Variants in SEMA5A observed in about 807,000 individuals in gnomAD.
SEMA5A encodes semaphorin-5A.
SEMA5A carries 55 observed loss-of-function variants against 135.5 expected under a neutral mutation model. The ratio of observed to expected loss-of-function variants is 0.41; its 90% confidence interval spans 0.33 to 0.51. SEMA5A has a LOEUF of 0.51. Ranked by LOEUF, SEMA5A falls within the 20% of genes least tolerant of loss-of-function variation. The pLI, the probability that SEMA5A is intolerant of heterozygous loss-of-function variation, is 0.37. For missense variants in SEMA5A, 1,290 were observed against 1,419.9 expected (o/e 0.91, Z 1.47); for synonymous variants, 580 against 546.5 (o/e 1.06, Z -0.85).
At chr5:9,284,074 TGATA>T (rs1006465069) in intron 5 of SEMA5A, among the ~76,000 whole-genome samples, 5 of 150,106 alleles carry the variant, frequency 3.3e-5, no homozygotes, top group Admixed American at 6.7e-5. Context: ...AGATGATAGA[TGATA>T]GATAACAGGT....
chr5:9,051,604 A>AT (rs996714529), intron 20 of SEMA5A, among the ~76,000 whole-genome samples: 5 of 152,198 alleles, frequency 3.3e-5, no homozygotes, highest in African/African-American at 7.2e-5. Context: ...AAATATTTTC[A>AT]TTTTTTTGAG....
intron 5 of SEMA5A, among the ~76,000 whole-genome samples, chr5:9,311,715 C>T (rs958514382): frequency 1.3e-5 from 2 of 151,570 alleles, no homozygotes; most frequent in Non-Finnish European, 2.9e-5. Context: ...GCACATTGTG[C>T]CCATGTACCC....
At chr5:9,423,472 G>A (rs574469159) in intron 2 of SEMA5A, among the ~76,000 whole-genome samples, 6 of 152,258 alleles carry the variant, frequency 3.9e-5, no homozygotes, top group South Asian at 2.1e-4. Context: ...ACAACCCACC[G>A]CTTCTCAACA....
chr5:9,249,114 G>A (rs1748638100), intron 5 of SEMA5A, among the ~76,000 whole-genome samples: 1 of 152,208 alleles, frequency 6.6e-6, no homozygotes, highest in Non-Finnish European at 1.5e-5. Context: ...ATTGGAACAT[G>A]TCATCCCAAA....
At chr5:9,536,250 G>A (rs926496951) in intron 1 of SEMA5A, among the ~76,000 whole-genome samples, 1 of 152,006 alleles carries the variant, frequency 6.6e-6, no homozygotes, top group Non-Finnish European at 1.5e-5. Flanking sequence ...ATAAGGAGGG[G>A]GAAAAGGAAA....
At chr5:9,047,026 A>G (rs893700494) in intron 21 of SEMA5A, among the ~76,000 whole-genome samples, 4 of 151,934 alleles carry the variant, frequency 2.6e-5, no homozygotes, top group African/African-American at 9.7e-5. Context: ...AGAACTGCCA[A>G]CCTGGGACAG....
intron 9 of SEMA5A, among the ~76,000 whole-genome samples, chr5:9,200,912 A>G (rs1382314206): frequency 6.6e-6 from 1 of 152,208 alleles, no homozygotes; most frequent in Non-Finnish European, 1.5e-5. Context: ...TTCACCCAGG[A>G]AAAAGAGGTT....
At chr5:9,408,919 A>G (rs1757002222) in intron 2 of SEMA5A, among the ~76,000 whole-genome samples, 1 of 152,170 alleles carries the variant, frequency 6.6e-6, no homozygotes, top group Admixed American at 6.5e-5. Context: ...CCTCAAGCCC[A>G]GCCTCCCTCT....
At chr5:9,361,463 G>C in intron 3 of SEMA5A, among the ~76,000 whole-genome samples, 1 of 152,122 alleles carries the variant, frequency 6.6e-6, no homozygotes, top group Non-Finnish European at 1.5e-5. Flanking sequence ...TTTTCTGTGA[G>C]GTAGGACTGA....
In SEMA5A at chr5:9,363,311, C is replaced by T. The variant is rs1246955343; in HGVS notation, c.124+16512G>A. On this transcript the variant is annotated intron_variant, in intron 3 of 22. Coordinates refer to ENST00000382496, the MANE Select transcript of SEMA5A (RefSeq NM_003966.3). ...TCCTGCCTGAACCATGCACACTAAT[C>T]ATTTAATGTTCTACAGAAGAAAAGA... 4 of 152,192 alleles carry T rather than the reference C, an allele frequency of 2.6e-5. No individual in the cohort carries two copies. In the East Asian group the frequency reaches 7.7e-4, roughly 29 times the overall value. The allele number at this position is 152,192 out of a possible 1,614,324, so 9.4% of individuals were successfully genotyped here.
intron 16 of SEMA5A, among the ~76,000 whole-genome samples, chr5:9,081,149 T>G (rs1375045975): frequency 1.3e-5 from 2 of 152,074 alleles, no homozygotes; most frequent in Non-Finnish European, 2.9e-5. Context: ...ATACAAGATC[T>G]CAGTCCTAAA....
At chr5:9,334,879 T>C (rs1330214130) in intron 4 of SEMA5A, among the ~76,000 whole-genome samples, 3 of 152,214 alleles carry the variant, frequency 2.0e-5, no homozygotes, top group Non-Finnish European at 4.4e-5. Flanking sequence ...CTGGCAATCC[T>C]ATGTATTCAT....
intron 16 of SEMA5A, among the ~76,000 whole-genome samples, chr5:9,089,521 A>G (rs1377368980): frequency 6.6e-6 from 1 of 152,066 alleles, no homozygotes; most frequent in Admixed American, 6.6e-5. Context: ...TTTGATGACC[A>G]GTCATTAACC....
chr5:9,398,531 T>C (rs1756506164), intron 2 of SEMA5A, among the ~76,000 whole-genome samples: 2 of 152,162 alleles, frequency 1.3e-5, no homozygotes, highest in Non-Finnish European at 2.9e-5. Context: ...GCAAACACAT[T>C]GAGAAAATAA....
chr5:9,281,733 G>A (rs562653431), intron 5 of SEMA5A, among the ~76,000 whole-genome samples: 1 of 151,902 alleles, frequency 6.6e-6, no homozygotes, highest in East Asian at 1.9e-4. Flanking sequence ...GGAACCAAGA[G>A]ATACTGCTGT....
At chr5:9,304,643 T>C (rs539423605) in intron 5 of SEMA5A, among the ~76,000 whole-genome samples, 19 of 152,326 alleles carry the variant, frequency 1.2e-4, no homozygotes, top group African/African-American at 4.6e-4. Context: ...ATTTTACTGC[T>C]GTTTCTTGAT....
At chr5:9,213,438 G>A (rs1393875848) in intron 8 of SEMA5A, among the ~76,000 whole-genome samples, 2 of 152,160 alleles carry the variant, frequency 1.3e-5, no homozygotes, top group Non-Finnish European at 2.9e-5. Flanking sequence ...AGTCAAAAGG[G>A]CTAGATAGGA....
At chr5:9,410,959 C>A (rs1174541024) in intron 2 of SEMA5A, among the ~76,000 whole-genome samples, 4 of 146,478 alleles carry the variant, frequency 2.7e-5, no homozygotes, top group African/African-American at 7.5e-5. Context: ...TGAGTTATAG[C>A]AAATGACAAT....
At chr5:9,398,212 A>C (rs914507356) in intron 2 of SEMA5A, among the ~76,000 whole-genome samples, 1 of 152,194 alleles carries the variant, frequency 6.6e-6, no homozygotes, top group African/African-American at 2.4e-5. Context: ...GTCAAGGAAA[A>C]CACTATGATA....
Sources: gnomAD v4.1 joint callset for allele counts (sites outside exome capture counted in the v4.1 genomes callset) on GRCh38, gnomAD v4.1.1 for gene constraint, MANE v1.5 for transcripts, NCBI Gene and HGNC (gene_info 2026-07-23, HGNC 2026-07-21) for gene names.